The following PRKCI variants were observed in gnomAD, a reference collection of about 807,000 sequenced individuals.
PRKCI encodes the protein protein kinase C iota type.
PRKCI carries 43 observed loss-of-function variants against 84.0 expected under a neutral mutation model. The ratio of observed to expected loss-of-function variants is 0.51; its 90% CI spans 0.40 to 0.66. The LOEUF (loss-of-function observed/expected upper bound fraction) is 0.66, where lower values mean the gene tolerates loss of function less well. Among genes scored for constraint, PRKCI ranks in the 30% least tolerant of loss-of-function variants. PRKCI has a pLI of 0.00. For synonymous variants in PRKCI, 216 were observed against 234.4 expected, an observed-to-expected ratio of 0.92 and a Z score of 0.72; for missense variants, 459 against 745.6, an observed-to-expected ratio of 0.62 and a Z score of 4.48.
intron 2 of PRKCI, among the ~76,000 whole-genome samples, chr3:170,238,949 A>T (rs1305555499): frequency 6.6e-6 from 1 of 152,000 alleles, no homozygotes; most frequent in Non-Finnish European, 1.5e-5. Context: ...TGCCCAGGCT[A>T]GTCTTGAACT....
intron 3 of PRKCI, among the ~76,000 whole-genome samples, chr3:170,263,019 A>C (rs1229239627): frequency 2.6e-5 from 4 of 151,642 alleles, no homozygotes; most frequent in African/African-American, 4.8e-5. Context: ...AAATACAAAA[A>C]TTAGCCGGGC....
At chr3:170,262,348 G>A (rs1382769149) in intron 3 of PRKCI, among the ~76,000 whole-genome samples, 1 of 151,696 alleles carries the variant, frequency 6.6e-6, no homozygotes, top group African/African-American at 2.4e-5. Flanking sequence ...TGACAAACTT[G>A]TCCTACTATA....
At chr3:170,285,013 A>T (rs1370659652) in intron 12 of PRKCI, among the ~76,000 whole-genome samples, 1 of 151,912 alleles carries the variant, frequency 6.6e-6, no homozygotes, top group Non-Finnish European at 1.5e-5. Context: ...AATTTTAAAC[A>T]TCTGACATAA....
chr3:170,246,433 C>G (rs113840556), intron 2 of PRKCI, among the ~76,000 whole-genome samples: 3,198 of 152,124 alleles, frequency 0.021, 53 homozygotes, highest in East Asian at 0.085. Flanking sequence ...GATTAGAGGG[C>G]TGAGCCACTG....
chr3:170,276,078 C>T (rs1477943256), intron 8 of PRKCI, among the ~76,000 whole-genome samples: 2 of 151,648 alleles, frequency 1.3e-5, no homozygotes, highest in African/African-American at 2.4e-5. Flanking sequence ...GGACTATAGC[C>T]CTGTGCCACC....
intron 1 of PRKCI, among the ~76,000 whole-genome samples, chr3:170,225,072 T>A (rs1370718855): frequency 6.6e-6 from 1 of 152,210 alleles, no homozygotes; most frequent in Non-Finnish European, 1.5e-5. Context: ...AATAAGGACA[T>A]ACAGCTTCTT....
Position 170,304,938 on chromosome 3 carries a change from C to T in PRKCI, c.*1811C>T, listed in dbSNP as rs1226727218. On this transcript the variant is annotated 3_prime_UTR_variant, in exon 18 of 18. Transcript: ENST00000295797. ...GGATGCTGCATTTCATTGGAAATGTCATTTTTCCAAAGTTTCTAGCTATAT... is the reference window on the plus strand; with the variant it reads ...GGATGCTGCATTTCATTGGAAATGTTATTTTTCCAAAGTTTCTAGCTATAT... The T allele has an allele frequency of 1.3e-5, 2 of 152,010 alleles. No homozygotes were observed. Among genetic ancestry groups the T allele is most frequent in the African/African-American group, 4.8e-5 (2 of 41,382 alleles). 9.4% of individuals were successfully genotyped at this position (152,010 alleles called of 1,614,324 possible). A position where few individuals can be genotyped will look rare whatever the true frequency, so the allele number is the denominator to read the frequency against.
Position 170,270,575 on chromosome 3 carries a change from CCT to C in PRKCI, c.591+15_591+16del. On this transcript the variant is annotated intron_variant, in intron 6 of 17. Coordinates refer to ENST00000295797, the MANE Select transcript of PRKCI (RefSeq NM_002740.6). ...TCTTTGCCACAGGTAAGATGTCTGT[CCT>C]TTTTTTTTTTTTTTTTTTTAAGAGC... 3 of 1,415,108 alleles carry C rather than the reference CCT, an allele frequency of 2.1e-6. No homozygotes were observed. Among genetic ancestry groups the C allele is most frequent in the Admixed American group, 2.7e-5 (1 of 37,636 alleles). The allele number at this position is 1,415,108 out of a possible 1,614,324, so 87.7% of individuals were successfully genotyped here. A position where few individuals can be genotyped will look rare whatever the true frequency, so the allele number is the denominator to read the frequency against.
rs138920376 is a variant in PRKCI at position 170,252,910 on chromosome 3, C to G, written c.224-7059C>G. The stretch of plus-strand genomic sequence containing the variant: ...AGCTTCTGGTAGCTATCATTCTACT[C>G]TCTATCTCCATGAGTTCAACTGTTT... On this transcript the variant is annotated intron_variant, in intron 2 of 17. Transcript: ENST00000295797. Among the ~76,000 whole-genome samples the G allele has an allele frequency of 9.5e-3, 1,450 of 152,286 alleles. 9 individuals carry two copies. Among genetic ancestry groups the G allele is most frequent in the Non-Finnish European group, 0.015 (1,024 of 68,030 alleles).
intron 17 of PRKCI, among the ~76,000 whole-genome samples, chr3:170,300,675 T>G (rs1734799422): frequency 6.7e-6 from 1 of 150,282 alleles, no homozygotes; most frequent in Non-Finnish European, 1.5e-5. Context: ...CAACATTGAT[T>G]GTCTTGAATT....
At position 170,267,909 on chromosome 3, in the gene PRKCI, C is replaced by T. The variant is rs1353502887; in HGVS notation, c.365-6C>T. 1.9e-6 allele frequency: 3 copies of T among 1,588,668 alleles called. No individual in the cohort carries two copies. Among genetic ancestry groups the T allele is most frequent in the African/African-American group, 2.7e-5 (2 of 74,018 alleles). ...TTTCTTTTTTTAACTATTACTCTGT[C>T]TTCAGAATCCATCTACCGTAGAGGT... On this transcript the variant is annotated splice_region_variant and splice_polypyrimidine_tract_variant and intron_variant, in intron 4 of 17. Coordinates refer to ENST00000295797, the MANE Select transcript of PRKCI (RefSeq NM_002740.6).
rs1475810205 is a variant in PRKCI, at chr3:170,304,920, G to C, written c.*1793G>C. 1.3e-5 allele frequency: 2 copies of C among 152,116 alleles called. No individual in the cohort carries two copies. Among genetic ancestry groups the C allele is most frequent in the African/African-American group, 4.8e-5 (2 of 41,494 alleles). 9.4% of individuals were successfully genotyped at this position (152,116 alleles called of 1,614,324 possible). On this transcript the variant is annotated 3_prime_UTR_variant, in exon 18 of 18. Transcript: ENST00000295797. ...ATCTTTTTTTGGAGGGGTGGATGCTGCATTTCATTGGAAATGTCATTTTTC... is the reference window on the plus strand; with the variant it reads ...ATCTTTTTTTGGAGGGGTGGATGCTCCATTTCATTGGAAATGTCATTTTTC...
rs1553835820 is a variant in PRKCI, at chr3:170,235,236, CATG to C, written c.111_113del (p.Met37del). The C allele has an allele frequency of 1.9e-6, 3 of 1,613,258 alleles. No individual in the cohort carries two copies. The highest frequency in any genetic ancestry group is 2.5e-6 in the Non-Finnish European group (3 of 1,179,474). On this transcript the variant is annotated inframe_deletion, in exon 2 of 18. Coordinates refer to ENST00000295797, the MANE Select transcript of PRKCI (RefSeq NM_002740.6). ...AACTCCTTTTCTTTTTCAGGGATAT[CATG>C]ATAACACATTTTGAACCTTCCATCT... is the stretch of plus-strand genomic sequence containing the variant.
intron 14 of PRKCI, among the ~76,000 whole-genome samples, 186 bp downstream of exon 14, chr3:170,293,694 C>T (rs569191603): frequency 6.6e-6 from 1 of 152,138 alleles, no homozygotes; most frequent in East Asian, 1.9e-4. Flanking sequence ...ACTCTTTTGC[C>T]CAGGCTGGAG....
intron 2 of PRKCI, among the ~76,000 whole-genome samples, chr3:170,245,957 T>TTTTTGTTTGTTTGTTTTTTG (rs1733271441): frequency 7.1e-6 from 1 of 141,398 alleles, no homozygotes; most frequent in African/African-American, 2.6e-5. Flanking sequence ...TTGTTTTTTT[T>TTTTTGTTTGTTTGTTTTTTG]TTTTTTTTTT....
At chr3:170,256,501 A>G (rs541563149) in intron 2 of PRKCI, among the ~76,000 whole-genome samples, 2 of 152,226 alleles carry the variant, frequency 1.3e-5, no homozygotes, top group African/African-American at 2.4e-5. Flanking sequence ...GAGTTTCTGC[A>G]GTATTAGTTG....
At chr3:170,240,367 A>G (rs1418341191) in intron 2 of PRKCI, among the ~76,000 whole-genome samples, 1 of 152,118 alleles carries the variant, frequency 6.6e-6, no homozygotes, top group East Asian at 1.9e-4. Context: ...CAGTCTTATT[A>G]TAATGCATTT....
chr3:170,292,023 A>T, intron 13 of PRKCI, 82 bp downstream of exon 13: 1 of 946,558 alleles, frequency 1.1e-6, no homozygotes, highest in Non-Finnish European at 1.7e-6. Context: ...ACAGTACACT[A>T]ATGCATTTTG....
intron 4 of PRKCI, among the ~76,000 whole-genome samples, chr3:170,265,125 G>T (rs1284599246): frequency 6.6e-6 from 1 of 151,712 alleles, no homozygotes; most frequent in Non-Finnish European, 1.5e-5. Context: ...GGAAGCGGAG[G>T]TTGCAGTGAG....
Sources: gnomAD v4.1 joint callset for allele counts (sites outside exome capture counted in the v4.1 genomes callset) on GRCh38, gnomAD v4.1.1 for gene constraint, MANE v1.5 for transcripts, NCBI Gene and HGNC (gene_info 2026-07-23, HGNC 2026-07-21) for gene names.